The following CTTNBP2NL variants were observed in gnomAD, a reference collection of about 807,000 sequenced individuals.
The protein encoded by CTTNBP2NL is CTTNBP2 N-terminal-like protein.
CTTNBP2NL carries 16 observed loss-of-function variants against 32.5 expected under a neutral mutation model. The observed-to-expected ratio is 0.49, with a 90% confidence interval of 0.33 to 0.75. CTTNBP2NL has a LOEUF of 0.75. Among genes scored for constraint, CTTNBP2NL ranks in the 30% least tolerant of loss-of-function variants. CTTNBP2NL has a pLI of 0.02. For missense variants in CTTNBP2NL, 645 were observed against 756.0 expected, an observed-to-expected ratio of 0.85 and a Z score of 1.72; for synonymous variants, 298 against 289.4, an observed-to-expected ratio of 1.03 and a Z score of -0.30.
intron 3 of CTTNBP2NL, among the ~76,000 whole-genome samples, chr1:112,445,242 C>T (rs1251581642): frequency 6.6e-6 from 1 of 152,118 alleles, no homozygotes; most frequent in Non-Finnish European, 1.5e-5. Flanking sequence ...CTCCCAGATT[C>T]CTGACCCTCC....
chr1:112,415,201 A>G (rs556782904), intron 2 of CTTNBP2NL, among the ~76,000 whole-genome samples: 52 of 152,176 alleles, frequency 3.4e-4, no homozygotes, highest in Non-Finnish European at 6.5e-4. Context: ...AAAACAAAAA[A>G]AAATAAAGAT....
At chr1:112,451,048 T>G (rs1369173634) in intron 4 of CTTNBP2NL, among the ~76,000 whole-genome samples, 2 of 152,112 alleles carry the variant, frequency 1.3e-5, no homozygotes, top group Non-Finnish European at 2.9e-5. Flanking sequence ...ATGGTCATTG[T>G]GCTTACAATG....
In CTTNBP2NL at chr1:112,456,020, G is replaced by T; in HGVS notation, c.528G>T (p.Lys176Asn). The change falls in exon 6 of 6, where the codon AAG becomes AAT. Residue 176 changes from lysine to asparagine, a missense_variant. Coordinates refer to ENST00000271277, the MANE Select transcript of CTTNBP2NL (RefSeq NM_018704.3). Reference sequence around the variant, plus strand: ...TGGAAGAGGAGCGCTCCCGCCACAAGCAGCTCTCATCCATGCTAGTGCTTG... The same window carrying T: ...TGGAAGAGGAGCGCTCCCGCCACAATCAGCTCTCATCCATGCTAGTGCTTG... ...SQLEEERSRH[K>N]QLSSMLVLEC... is the part of the protein sequence containing the mutation. The T allele has an allele frequency of 6.2e-7, 1 of 1,614,142 alleles. No homozygotes were observed. The highest frequency in any genetic ancestry group is 8.5e-7 in the Non-Finnish European group (1 of 1,180,020).
At chr1:112,443,273 G>T (rs1163832713) in intron 3 of CTTNBP2NL, among the ~76,000 whole-genome samples, 1 of 152,192 alleles carries the variant, frequency 6.6e-6, no homozygotes, top group Non-Finnish European at 1.5e-5. Flanking sequence ...GAGTGCAGTG[G>T]TGCGATCTTG....
upstream of CTTNBP2NL, among the ~76,000 whole-genome samples, chr1:112,393,944 C>A (rs1447429148): frequency 6.6e-6 from 1 of 152,222 alleles, no homozygotes. Context: ...TGGTGGTTTA[C>A]GCCTGTCATC....
chr1:112,404,989 GCGGTGAGGCC>G (rs1648617180), intron 1 of CTTNBP2NL, among the ~76,000 whole-genome samples: 1 of 1,588 alleles, frequency 6.3e-4, no homozygotes. Flanking sequence ...GGCGGAGGTT[GCGGTGAGGCC>G]GAGGTTGCGG....
chr1:112,429,643 T>C (rs899935672), intron 3 of CTTNBP2NL, among the ~76,000 whole-genome samples: 1 of 152,192 alleles, frequency 6.6e-6, no homozygotes, highest in Admixed American at 6.5e-5. Flanking sequence ...ATGAAGTATA[T>C]GTGTAAAGAT....
intron 2 of CTTNBP2NL, chr1:112,414,644 G>A (rs558964310): frequency 2.6e-5 from 4 of 152,276 alleles, no homozygotes; most frequent in South Asian, 4.1e-4. Context: ...AAAGTGGAGA[G>A]AGAAATATTT....
intron 3 of CTTNBP2NL, among the ~76,000 whole-genome samples, chr1:112,424,983 A>ATTT (rs1239412500): frequency 1.5e-5 from 2 of 134,386 alleles, no homozygotes; most frequent in African/African-American, 2.7e-5. Context: ...GCCCAGCTAA[A>ATTT]TTTTTTTTTT....
intron 3 of CTTNBP2NL, among the ~76,000 whole-genome samples, chr1:112,427,580 A>C (rs1157166938): frequency 6.6e-6 from 1 of 152,170 alleles, no homozygotes; most frequent in Non-Finnish European, 1.5e-5. Context: ...AGTTATTTTG[A>C]TCTAGCAATT....
chr1:112,400,705 T>G (rs1389355607), intron 1 of CTTNBP2NL, among the ~76,000 whole-genome samples: 3 of 152,052 alleles, frequency 2.0e-5, no homozygotes, highest in Non-Finnish European at 4.4e-5. Context: ...GGCAGGAGAA[T>G]GGCTTTAACC....
chr1:112,426,563 TGAGTA>T, intron 3 of CTTNBP2NL, among the ~76,000 whole-genome samples: 2 of 149,924 alleles, frequency 1.3e-5, no homozygotes, highest in East Asian at 3.9e-4. Flanking sequence ...AAAATTTTGC[TGAGTA>T]GAGTCCAGTA....
chr1:112,396,021 T>C (rs1346336608), upstream of CTTNBP2NL, among the ~76,000 whole-genome samples: 1 of 152,224 alleles, frequency 6.6e-6, no homozygotes, highest in Non-Finnish European at 1.5e-5. Context: ...CTCCCGGAAG[T>C]GACGCGAGCT....
At chr1:112,445,393 T>C (rs1012534740) in intron 3 of CTTNBP2NL, among the ~76,000 whole-genome samples, 2 of 152,216 alleles carry the variant, frequency 1.3e-5, no homozygotes, top group African/African-American at 4.8e-5. Context: ...TTGGGGTTTT[T>C]TTATTATTTA....
chr1:112,394,120 C>T (rs1207593233), upstream of CTTNBP2NL, among the ~76,000 whole-genome samples: 2 of 151,280 alleles, frequency 1.3e-5, no homozygotes, highest in Non-Finnish European at 2.9e-5. Flanking sequence ...GCAGGAGAAT[C>T]GCTTGAACCC....
intron 3 of CTTNBP2NL, among the ~76,000 whole-genome samples, chr1:112,438,078 GT>G (rs1241207733): frequency 6.6e-6 from 1 of 152,070 alleles, no homozygotes; most frequent in Non-Finnish European, 1.5e-5. Flanking sequence ...GGTTTTTATA[GT>G]TTTTGGGTTT....
intron 1 of CTTNBP2NL, among the ~76,000 whole-genome samples, chr1:112,406,717 A>G (rs1472554219): frequency 6.6e-6 from 1 of 152,204 alleles, no homozygotes; most frequent in African/African-American, 2.4e-5. Context: ...GAAAACTGCT[A>G]TAGAACTCTG....
At chr1:112,427,325 A>C (rs1649432168) in intron 3 of CTTNBP2NL, among the ~76,000 whole-genome samples, 1 of 152,220 alleles carries the variant, frequency 6.6e-6, no homozygotes. Flanking sequence ...TATAGGTGAC[A>C]TCCCCTATAT....
chr1:112,425,732 G>A (rs1213490552), intron 3 of CTTNBP2NL, among the ~76,000 whole-genome samples: 2 of 151,580 alleles, frequency 1.3e-5, no homozygotes, highest in Admixed American at 6.6e-5. Context: ...GTATGGTAGC[G>A]TGCATCTGTA....
Sources: allele counts gnomAD v4.1 joint callset (sites outside exome capture counted in the v4.1 genomes callset), GRCh38; gene constraint gnomAD v4.1.1; transcripts MANE v1.5; gene names NCBI Gene and HGNC (gene_info 2026-07-23, HGNC 2026-07-21).